LUZP2: variants seen among roughly 807,000 people sequenced by gnomAD.
The protein encoded by LUZP2 is leucine zipper protein 2.
LUZP2 carries 52 observed loss-of-function variants against 51.6 expected under a neutral mutation model. The ratio of observed to expected loss-of-function variants is 1.01; its 90% CI spans 0.81 to 1.27. The LOEUF (loss-of-function observed/expected upper bound fraction) is 1.27. Among genes scored for constraint, LUZP2 ranks in the 50% most tolerant of loss-of-function variants. The probability of loss-of-function intolerance (pLI) is 0.00; values close to 1 mark genes in which losing one functional copy is unlikely to be tolerated. For synonymous variants in LUZP2, 154 were observed against 137.3 expected (o/e 1.12, Z -0.85); for missense variants, 436 against 395.4 (o/e 1.10, Z -0.87).
At chr11:24,747,322 G>A (rs558722736) in intron 4 of LUZP2, among the ~76,000 whole-genome samples, 1 of 152,124 alleles carries the variant, frequency 6.6e-6, no homozygotes, top group African/African-American at 2.4e-5. Flanking sequence ...CTCTCTTCTG[G>A]GTCTAGCCAC....
At chr11:24,749,237 T>A (rs544123680) in intron 4 of LUZP2, among the ~76,000 whole-genome samples, 1 of 152,142 alleles carries the variant, frequency 6.6e-6, no homozygotes, top group Non-Finnish European at 1.5e-5. Context: ...TGGTGGTCTT[T>A]GGTCTTTGCC....
chr11:24,947,767 T>G (rs978591659), intron 7 of LUZP2, among the ~76,000 whole-genome samples: 2 of 151,958 alleles, frequency 1.3e-5, no homozygotes, highest in Non-Finnish European at 2.9e-5. Context: ...TTCAATACTT[T>G]GAATATTTTA....
chr11:24,681,013 C>T (rs1231201915), intron 1 of LUZP2, among the ~76,000 whole-genome samples: 2 of 149,094 alleles, frequency 1.3e-5, no homozygotes, highest in Non-Finnish European at 3.0e-5. Flanking sequence ...CTCGCTCTGT[C>T]GCCCAGGCCG....
chr11:24,960,992 A>C (rs535711737), intron 7 of LUZP2, among the ~76,000 whole-genome samples: 19 of 151,878 alleles, frequency 1.3e-4, no homozygotes, highest in East Asian at 5.8e-4. Flanking sequence ...TTCTGCCTTC[A>C]TTTCGTTATG....
intron 10 of LUZP2, among the ~76,000 whole-genome samples, chr11:25,051,124 G>A (rs1356978772): frequency 1.3e-5 from 2 of 152,070 alleles, no homozygotes; most frequent in African/African-American, 4.8e-5. Flanking sequence ...AGGAGGAATA[G>A]AAAAGTAAGT....
chr11:24,579,938 A>G (rs1590203757), intron 1 of LUZP2, among the ~76,000 whole-genome samples: 1 of 152,260 alleles, frequency 6.6e-6, no homozygotes. Flanking sequence ...TGGTAATTAT[A>G]CTATGTTCAT....
intron 1 of LUZP2, among the ~76,000 whole-genome samples, chr11:24,724,059 C>T (rs908077100): frequency 6.6e-6 from 1 of 151,952 alleles, no homozygotes; most frequent in African/African-American, 2.4e-5. Context: ...TGAATGGGTG[C>T]CGTCAAAGAA....
chr11:24,555,801 C>A (rs879573223), intron 1 of LUZP2, among the ~76,000 whole-genome samples: 4 of 151,972 alleles, frequency 2.6e-5, no homozygotes, highest in Non-Finnish European at 4.4e-5. Context: ...ATAGTGAGAC[C>A]CTTTCTCTAC....
chr11:24,685,368 A>G (rs538869308), intron 1 of LUZP2, among the ~76,000 whole-genome samples: 1 of 152,188 alleles, frequency 6.6e-6, no homozygotes, highest in African/African-American at 2.4e-5. Flanking sequence ...GCTCTTCATG[A>G]TCTTGCACCT....
intron 1 of LUZP2, among the ~76,000 whole-genome samples, chr11:24,616,475 A>G (rs10834407): frequency 0.026 from 2,575 of 98,488 alleles, 60 homozygotes; most frequent in African/African-American, 0.073. Flanking sequence ...TGGCGTGCGC[A>G]TGTGTGTGTG....
rs908686468 is a variant in LUZP2 at position 24,892,026 on chromosome 11, G to A, written c.397-13965G>A. The stretch of plus-strand genomic sequence containing the variant: ...GTAGTGCAGGCTGGCTCTTGGAAAG[G>A]AGTATGTATTCCAGGCTGGTTGGCT... On this transcript the variant is annotated intron_variant, in intron 5 of 11. Coordinates refer to ENST00000336930, the MANE Select transcript of LUZP2 (RefSeq NM_001009909.4). 5.1e-6 allele frequency: 5 copies of A among 985,488 alleles called. No individual in the cohort carries two copies. The Admixed American group carries it at 3.1e-4, about 61-fold the overall frequency. The allele number at this position is 985,488 out of a possible 1,614,324, so 61.0% of individuals were successfully genotyped here. A position where few individuals can be genotyped will look rare whatever the true frequency, so the allele number is the denominator to read the frequency against.
chr11:24,849,267 CTAT>C (rs1851308110), intron 5 of LUZP2, among the ~76,000 whole-genome samples: 1 of 152,116 alleles, frequency 6.6e-6, no homozygotes, highest in Admixed American at 6.6e-5. Flanking sequence ...TCTCCTAATG[CTAT>C]CCCTCCCCTA....
chr11:24,587,298 T>C (rs896457839), intron 1 of LUZP2, among the ~76,000 whole-genome samples: 14 of 152,116 alleles, frequency 9.2e-5, no homozygotes, highest in Middle Eastern at 3.2e-3. Context: ...AATTTGGGAT[T>C]GTACAAAGGA....
Position 24,844,971 on chromosome 11 carries a change from G to C in LUZP2, c.397-61020G>C, listed in dbSNP as rs185210842. On this transcript the variant is annotated intron_variant, in intron 5 of 11. Transcript: ENST00000336930. ...CATGGAGAACCTCTGCTAGGGCAGTGAGGAAGGGGAATGTGGGGCCACAGC... is the reference window on the plus strand; with the variant it reads ...CATGGAGAACCTCTGCTAGGGCAGTCAGGAAGGGGAATGTGGGGCCACAGC... Among the ~76,000 whole-genome samples the C allele has an allele frequency of 4.1e-5, 5 of 120,664 alleles. No individual in the cohort carries two copies. The East Asian group carries it at 1.3e-3, about 31-fold the overall frequency. The allele number at this position is 120,664 out of a possible 152,430, so 79.2% of individuals were successfully genotyped here. A position where few individuals can be genotyped will look rare whatever the true frequency, so the allele number is the denominator to read the frequency against.
At chr11:24,547,129 T>A (rs889968351) in intron 1 of LUZP2, among the ~76,000 whole-genome samples, 7 of 151,836 alleles carry the variant, frequency 4.6e-5, no homozygotes, top group African/African-American at 1.7e-4. Context: ...TTATTCTAGA[T>A]TCCCTACTGT....
chr11:24,826,190 A>AATATATATATATATATAT lies in LUZP2; in HGVS notation c.396+62884_396+62901dup, dbSNP rs1158935544. ...GACTCCATCTCAAAAAAAAAAAAAA[A>AATATATATATATATATAT]ATATATATATATATATATAGTAAAA... On this transcript the variant is annotated intron_variant, in intron 5 of 11. Coordinates refer to ENST00000336930, the MANE Select transcript of LUZP2 (RefSeq NM_001009909.4). Among the ~76,000 whole-genome samples the AATATATATATATATATAT allele has an allele frequency of 1.0e-3, 70 of 67,518 alleles. 2 individuals are homozygous for AATATATATATATATATAT. Among genetic ancestry groups the AATATATATATATATATAT allele is most frequent in the East Asian group, 4.5e-3 (8 of 1,772 alleles). The allele number at this position is 67,518 out of a possible 152,430, so 44.3% of individuals were successfully genotyped here.
chr11:24,706,773 T>C (rs796685421), intron 1 of LUZP2, among the ~76,000 whole-genome samples: 2 of 152,242 alleles, frequency 1.3e-5, no homozygotes, highest in African/African-American at 2.4e-5. Context: ...TAATATCTGG[T>C]TTTTCACCAT....
chr11:25,033,920 T>G (rs1264216051), intron 9 of LUZP2, among the ~76,000 whole-genome samples: 1 of 152,074 alleles, frequency 6.6e-6, no homozygotes, highest in Non-Finnish European at 1.5e-5. Context: ...GTAGAATGAT[T>G]TATCTTCCTT....
intron 1 of LUZP2, among the ~76,000 whole-genome samples, chr11:24,588,527 A>G (rs1397031791): frequency 6.6e-6 from 1 of 152,126 alleles, no homozygotes; most frequent in Non-Finnish European, 1.5e-5. Context: ...GTCTGTCTCT[A>G]ATGACCTTGG....
Sources: allele counts gnomAD v4.1 joint callset (sites outside exome capture counted in the v4.1 genomes callset), GRCh38; gene constraint gnomAD v4.1.1; transcripts MANE v1.5; gene names NCBI Gene and HGNC (gene_info 2026-07-23, HGNC 2026-07-21).